Variants in PYGB observed in about 807,000 individuals in gnomAD.
The protein encoded by PYGB is glycogen phosphorylase B, also known as glycogen phosphorylase, brain form.
A neutral mutation model predicts 94.3 loss-of-function variants in PYGB; 82 were observed. The ratio of observed to expected loss-of-function variants is 0.87; its 90% CI spans 0.73 to 1.04. The LOEUF is 1.04. Ranked by LOEUF, PYGB falls within the 50% of genes least tolerant of loss-of-function variation. The pLI is 0.00. For synonymous variants in PYGB, 488 were observed against 479.1 expected (o/e 1.02, Z -0.24); for missense variants, 1,132 against 1,158.2 (o/e 0.98, Z 0.33).
chr20:25,286,513 G>A (rs902111211), intron 14 of PYGB, among the ~76,000 whole-genome samples: 1 of 152,218 alleles, frequency 6.6e-6, no homozygotes, highest in Non-Finnish European at 1.5e-5. Flanking sequence ...GTGGCCTGTG[G>A]CGGGGCTGGG....
chr20:25,284,083 C>T (rs2088394909), intron 13 of PYGB, 21 bp from the exon 14 acceptor site: 1 of 1,611,926 alleles, frequency 6.2e-7, no homozygotes, highest in Admixed American at 1.7e-5. Flanking sequence ...CTCCAGCCAT[C>T]TTTCCCTTTC....
intron 18 of PYGB, chr20:25,294,834 CAG>C (rs757509385): frequency 2.3e-6 from 2 of 875,638 alleles, no homozygotes; most frequent in Non-Finnish European, 3.9e-6. Context: ...GTTTGCAGCT[CAG>C]GGCAGTTCTT....
intron 12 of PYGB, among the ~76,000 whole-genome samples, 155 bp downstream of exon 12, chr20:25,282,302 A>G (rs536840516): frequency 1.3e-5 from 2 of 152,338 alleles, no homozygotes; most frequent in African/African-American, 4.8e-5. Context: ...GAGCCCCTGA[A>G]CATGGGCGCT....
In PYGB at chr20:25,296,339, C is replaced by T. The variant is rs369640350; in HGVS notation, c.2380-31C>T. On this transcript the variant is annotated intron_variant, in intron 19 of 19. Coordinates refer to ENST00000216962, the MANE Select transcript of PYGB (RefSeq NM_002862.4). The stretch of plus-strand genomic sequence containing the variant: ...TTTAGCAGCCCCAAGCCCTGTGACG[C>T]CAGAGACTAATTTCATCTCCTTCCC... The T allele has an allele frequency of 2.5e-6, 4 of 1,613,224 alleles. No individual in the cohort carries two copies. The African/African-American group carries it at 4.0e-5, about 16-fold the overall frequency.
intron 2 of PYGB, among the ~76,000 whole-genome samples, chr20:25,267,650 C>A (rs776762392): frequency 2.0e-5 from 3 of 152,212 alleles, no homozygotes; most frequent in Non-Finnish European, 2.9e-5. Flanking sequence ...TCCGCCTCAG[C>A]CTCCCGAGTA....
chr20:25,280,153 C>T (rs558892800), intron 9 of PYGB, 113 bp from the exon 10 acceptor site: 48 of 1,341,112 alleles, frequency 3.6e-5, no homozygotes, highest in Non-Finnish European at 4.7e-5. Context: ...GGTGGCCCTT[C>T]CTGGGGTACC....
At chr20:25,294,359 T>C (rs1261647350) in intron 18 of PYGB, 67 bp downstream of exon 18, 5 of 1,499,936 alleles carry the variant, frequency 3.3e-6, no homozygotes, top group Non-Finnish European at 4.6e-6. Flanking sequence ...TCTTCGTGGG[T>C]TGGATATTCC....
At chr20:25,288,932 C>T (rs1488612062) in intron 15 of PYGB, among the ~76,000 whole-genome samples, 2 of 152,234 alleles carry the variant, frequency 1.3e-5, no homozygotes, top group Admixed American at 6.5e-5. Flanking sequence ...CAGCCCTCTG[C>T]GGCCAGTGTC....
chr20:25,255,587 C>T (rs1333803920), intron 1 of PYGB, among the ~76,000 whole-genome samples: 2 of 152,174 alleles, frequency 1.3e-5, no homozygotes, highest in South Asian at 4.2e-4. Flanking sequence ...CAGTAGAGGG[C>T]GGCTGGTCTG....
chr20:25,284,284 G>A (rs763874325), intron 14 of PYGB, 33 bp downstream of exon 14: 6 of 1,599,530 alleles, frequency 3.8e-6, no homozygotes, highest in Admixed American at 1.7e-5. Context: ...TGACCGCGCT[G>A]TGGGGCCCAA....
At chr20:25,285,813 G>C (rs2088413147) in intron 14 of PYGB, among the ~76,000 whole-genome samples, 1 of 152,132 alleles carries the variant, frequency 6.6e-6, no homozygotes, top group Non-Finnish European at 1.5e-5. Context: ...GTTTGAGTCT[G>C]GTGGTGAGTA....
intron 12 of PYGB, among the ~76,000 whole-genome samples, chr20:25,282,500 T>C (rs2261795): frequency 0.46 from 69,828 of 152,112 alleles, 16,638 homozygotes; most frequent in East Asian, 0.92. Context: ...GCAAGCTCCC[T>C]GAGGAAATGA....
chr20:25,252,182 C>G (rs908065753), intron 1 of PYGB, among the ~76,000 whole-genome samples: 1 of 152,246 alleles, frequency 6.6e-6, no homozygotes, highest in African/African-American at 2.4e-5. Flanking sequence ...TTTTGTGTTG[C>G]TGACAGCTAG....
intron 5 of PYGB, among the ~76,000 whole-genome samples, chr20:25,276,384 C>G (rs62212153): frequency 0.05 from 7,582 of 152,086 alleles, 625 homozygotes; most frequent in African/African-American, 0.17. Context: ...TGAGGAAGGT[C>G]AAGTGAGAAG....
chr20:25,292,351 G>A (rs986358438), intron 16 of PYGB, 55 bp from the exon 17 acceptor site: 129 of 1,581,782 alleles, frequency 8.2e-5, no homozygotes, highest in Middle Eastern at 1.8e-4. Flanking sequence ...TGAGCCTTGC[G>A]GCTGAGGACA....
At chr20:25,292,293 G>C in intron 16 of PYGB, 113 bp from the exon 17 acceptor site, 1 of 1,255,926 alleles carries the variant, frequency 8.0e-7, no homozygotes, top group Non-Finnish European at 1.1e-6. Context: ...CACAGCATTG[G>C]TCCCTCCACG....
At position 25,248,102 on chromosome 20, in the gene PYGB, G is replaced by GC; in HGVS notation, c.-76dup. The GC allele has an allele frequency of 7.2e-7, 1 of 1,393,662 alleles. No individual in the cohort carries two copies. The highest frequency in any genetic ancestry group is 1.4e-5 in the South Asian group (1 of 69,324). The allele number at this position is 1,393,662 out of a possible 1,614,324, so 86.3% of individuals were successfully genotyped here. A position where few individuals can be genotyped will look rare whatever the true frequency, so the allele number is the denominator to read the frequency against. ...CGGGCGCCAGAGCAGCGGCGCCAGA[G>GC]CAGCTGCACCATCCCGGCGTTCGCG... is the stretch of plus-strand genomic sequence containing the variant. On this transcript the variant is annotated 5_prime_UTR_variant, in exon 1 of 20. Coordinates refer to ENST00000216962, the MANE Select transcript of PYGB (RefSeq NM_002862.4).
rs1291791002 is a variant in PYGB, at chr20:25,259,256, T to C, written c.263T>C (p.Leu88Pro). The C allele has an allele frequency of 1.2e-6, 2 of 1,606,500 alleles. No homozygotes were observed. The highest frequency in any genetic ancestry group is 1.7e-6 in the Non-Finnish European group (2 of 1,173,146). Residue 88 changes from leucine to proline, a missense_variant, in exon 2 of 20, where the codon CTG becomes CCG. Coordinates refer to ENST00000216962, the MANE Select transcript of PYGB (RefSeq NM_002862.4). ...RDPKRIYYLSLEFYMGRTLQN... is the reference protein window; with the variant it reads ...RDPKRIYYLSPEFYMGRTLQN... ...CCTCAGCGCATTTATTATCTTTCCC[T>C]GGAATTCTACATGGGTCGCACGCTG...
Position 25,248,425 on chromosome 20 carries a change from A to T in PYGB, c.243+4A>T. Reference sequence around the variant, plus strand: ...CTACTACGAGCGCGACCCCAAGGTGAGGCGCTGCCCCGCCCTGTGCGCCCG... The same window carrying T: ...CTACTACGAGCGCGACCCCAAGGTGTGGCGCTGCCCCGCCCTGTGCGCCCG... On this transcript the variant is annotated splice_donor_region_variant and intron_variant, in intron 1 of 19. Coordinates refer to ENST00000216962, the MANE Select transcript of PYGB (RefSeq NM_002862.4). 6.6e-7 allele frequency: 1 copy of T among 1,504,506 alleles called. No individual in the cohort carries two copies. The allele number at this position is 1,504,506 out of a possible 1,614,324, so 93.2% of individuals were successfully genotyped here.
Sources: allele counts gnomAD v4.1 joint callset (sites outside exome capture counted in the v4.1 genomes callset), GRCh38; gene constraint gnomAD v4.1.1; transcripts MANE v1.5; gene names NCBI Gene and HGNC (gene_info 2026-07-23, HGNC 2026-07-21).